CSNK1G1: variants seen among roughly 807,000 people sequenced by gnomAD.
The protein encoded by CSNK1G1 is casein kinase I isoform gamma-1.
Under a neutral mutation model 59.6 loss-of-function variants are expected in CSNK1G1, and 22 were observed. The observed-to-expected ratio is 0.37, with a 90% CI of 0.26 to 0.53. CSNK1G1 has a LOEUF of 0.53. CSNK1G1 is among the 20% of genes least tolerant of loss of function. The probability of loss-of-function intolerance (pLI) is 0.89; values close to 1 mark genes in which losing one functional copy is unlikely to be tolerated. For missense variants in CSNK1G1, 384 were observed against 519.5 expected (o/e 0.74, Z 2.54); for synonymous variants, 179 against 177.1 (o/e 1.01, Z -0.08).
intron 10 of CSNK1G1, among the ~76,000 whole-genome samples, chr15:64,198,994 C>A (rs535680310): frequency 6.6e-6 from 1 of 151,434 alleles, no homozygotes; most frequent in East Asian, 1.9e-4. Context: ...TGGCTCCCAG[C>A]ATTTTGGGAG....
chr15:64,336,096 T>G lies in CSNK1G1; in HGVS notation c.-225+19892A>C, dbSNP rs576192338. On this transcript the variant is annotated intron_variant, in intron 1 of 11. Transcript: ENST00000303052. ...TTTACCTATCTGCCTACCAAACTAT[T>G]CTATGGAACTCTATGCGACTAGGGA... 9.8e-5 allele frequency among the ~76,000 whole-genome samples: 15 copies of G among 152,300 alleles called. No homozygotes were observed. In the East Asian group the frequency reaches 2.5e-3, roughly 25 times the overall value.
intron 3 of CSNK1G1, among the ~76,000 whole-genome samples, chr15:64,257,462 CAGGTGTACT>C (rs1311052051): frequency 3.3e-5 from 5 of 152,038 alleles, no homozygotes; most frequent in African/African-American, 9.7e-5. Flanking sequence ...GTAAAAAAAG[CAGGTGTACT>C]AGAGAACACT....
chr15:64,304,629 AAATT>A (rs1269575599), intron 1 of CSNK1G1, among the ~76,000 whole-genome samples: 2 of 152,204 alleles, frequency 1.3e-5, no homozygotes, highest in Non-Finnish European at 2.9e-5. Context: ...GTCTAAAAGA[AAATT>A]AAGTCATATT....
chr15:64,180,093 T>G, intron 11 of CSNK1G1: 1 of 449,700 alleles, frequency 2.2e-6, no homozygotes, highest in Non-Finnish European at 4.1e-6. Flanking sequence ...ACTGTAGCCC[T>G]GATAACATGA....
At chr15:64,259,533 T>C (rs1054515804) in intron 2 of CSNK1G1, among the ~76,000 whole-genome samples, 10 of 149,106 alleles carry the variant, frequency 6.7e-5, no homozygotes, top group African/African-American at 2.2e-4. Context: ...CATGCATGCA[T>C]ATTAATATTT....
At chr15:64,346,426 ATTT>A (rs1897978830) in intron 1 of CSNK1G1, among the ~76,000 whole-genome samples, 1 of 13,052 alleles carries the variant, frequency 7.7e-5, no homozygotes, top group Non-Finnish European at 2.7e-4. Context: ...ACGAGTTTTT[ATTT>A]ATTTATTTAT....
chr15:64,180,385 T>C lies in CSNK1G1; in HGVS notation c.1177A>G (p.Thr393Ala). 1 of 1,614,156 alleles carries C rather than the reference T, an allele frequency of 6.2e-7. No individual in the cohort carries two copies. The highest frequency in any genetic ancestry group is 8.5e-7 in the Non-Finnish European group (1 of 1,180,020). Residue 393 changes from threonine to alanine, a missense_variant, in exon 11 of 12, where the codon ACA (threonine) becomes GCA (alanine). Physicochemically the swap from Thr to Ala is moderately conservative, Grantham distance 58. Around this residue, in one of 3 missense-constraint regions of CSNK1G1, gnomAD observed 325 missense variants for 440.9 expected, o/e 0.74. Coordinates refer to ENST00000303052, the MANE Select transcript of CSNK1G1 (RefSeq NM_022048.5). ...PTGAHSNAPI[T>A]AHAEVEVVEE... Reference sequence around the variant, plus strand: ...ACTACCTCCACCTCGGCATGAGCTGTGATTGGTGCATTGGAGTGGGCTCCC... The same window carrying C: ...ACTACCTCCACCTCGGCATGAGCTGCGATTGGTGCATTGGAGTGGGCTCCC...
intron 1 of CSNK1G1, among the ~76,000 whole-genome samples, chr15:64,318,386 G>T (rs1046624184): frequency 2.0e-5 from 3 of 152,018 alleles, no homozygotes; most frequent in Non-Finnish European, 4.4e-5. Flanking sequence ...AGAAATTTGT[G>T]GCATGAGATT....
chr15:64,333,433 CAAAAAAAA>C (rs59451869), intron 1 of CSNK1G1, among the ~76,000 whole-genome samples: 18 of 23,084 alleles, frequency 7.8e-4, no homozygotes, highest in African/African-American at 9.6e-4. Flanking sequence ...GACACCATCT[CAAAAAAAA>C]AAAAAAAAAA....
intron 2 of CSNK1G1, among the ~76,000 whole-genome samples, chr15:64,274,227 G>C (rs1397172156): frequency 6.6e-6 from 1 of 152,018 alleles, no homozygotes; most frequent in Admixed American, 6.6e-5. Context: ...TCTTTGCAAG[G>C]GCACAAATGC....
intron 3 of CSNK1G1, among the ~76,000 whole-genome samples, chr15:64,254,628 A>C (rs1003284681): frequency 3.9e-5 from 6 of 152,220 alleles, no homozygotes; most frequent in African/African-American, 9.7e-5. Context: ...CTGGGATTAC[A>C]GGTGTGAGCC....
In CSNK1G1 at chr15:64,199,958, C is replaced by A. The variant is rs911898948; in HGVS notation, c.1107+3124G>T. On this transcript the variant is annotated intron_variant, in intron 10 of 11. Coordinates refer to ENST00000303052, the MANE Select transcript of CSNK1G1 (RefSeq NM_022048.5). ...TAAAAAATATTCTAAAAAATAGGCA[C>A]AAGGTGCCGGGCATGGTGGTTCATG... is the stretch of plus-strand genomic sequence containing the variant. Among the ~76,000 whole-genome samples the A allele has an allele frequency of 1.7e-4, 26 of 152,150 alleles. 1 individual carries two copies. Among genetic ancestry groups the A allele is most frequent in the Admixed American group, 1.5e-3 (23 of 15,280 alleles).
chr15:64,245,171 G>C (rs925455937), intron 4 of CSNK1G1, among the ~76,000 whole-genome samples: 13 of 152,030 alleles, frequency 8.6e-5, no homozygotes, highest in African/African-American at 3.1e-4. Flanking sequence ...TTGGGGAAAT[G>C]CTTCATGACA....
chr15:64,201,739 TG>T lies in CSNK1G1; in HGVS notation c.1107+1342del, dbSNP rs1567370259. On this transcript the variant is annotated intron_variant, in intron 10 of 11. Coordinates refer to ENST00000303052, the MANE Select transcript of CSNK1G1 (RefSeq NM_022048.5). The stretch of plus-strand genomic sequence containing the variant: ...GTGTGTGTGTGTGTGTGTGTGTGTG[TG>T]TGTGTGTGTGTTTATATACTATTCT... Among the ~76,000 whole-genome samples, 587 of 151,476 alleles carry T rather than the reference TG, an allele frequency of 3.9e-3. 7 individuals are homozygous for T. The highest frequency in any genetic ancestry group is 0.013 in the African/African-American group (540 of 41,096).
intron 10 of CSNK1G1, among the ~76,000 whole-genome samples, chr15:64,189,176 G>A (rs2081938113): frequency 6.6e-6 from 1 of 152,100 alleles, no homozygotes; most frequent in Admixed American, 6.6e-5. Flanking sequence ...CGTTTGCCTG[G>A]TTCTTCTAGC....
intron 4 of CSNK1G1, among the ~76,000 whole-genome samples, chr15:64,244,935 G>A (rs1891671585): frequency 6.6e-6 from 1 of 152,110 alleles, no homozygotes. Flanking sequence ...GGCATAAACA[G>A]ACAAAGAGAC....
At chr15:64,195,842 T>G (rs2082031017) in intron 10 of CSNK1G1, among the ~76,000 whole-genome samples, 3 of 152,208 alleles carry the variant, frequency 2.0e-5, no homozygotes, top group Non-Finnish European at 4.4e-5. Context: ...TCAACTGGGA[T>G]CTTTCTGAAT....
chr15:64,298,605 A>G (rs1177767019), intron 2 of CSNK1G1, among the ~76,000 whole-genome samples: 1 of 152,208 alleles, frequency 6.6e-6, no homozygotes, highest in Non-Finnish European at 1.5e-5. Context: ...GCCTTCTAAC[A>G]GTAAAAATAA....
intron 4 of CSNK1G1, among the ~76,000 whole-genome samples, chr15:64,240,430 G>C (rs2082678670): frequency 6.6e-6 from 1 of 152,068 alleles, no homozygotes; most frequent in Admixed American, 6.6e-5. Context: ...TGAACATCCA[G>C]GTCCAGGGAG....
Sources: gnomAD v4.1 joint callset for allele counts (sites outside exome capture counted in the v4.1 genomes callset) on GRCh38, gnomAD v4.1.1 for gene constraint, gnomAD v4.1.1 regional missense constraint, MANE v1.5 for transcripts, NCBI Gene and HGNC (gene_info 2026-07-23, HGNC 2026-07-21) for gene names.